ZEB2: variants seen among roughly 807,000 people sequenced by gnomAD.
ZEB2 encodes the protein zinc finger E-box-binding homeobox 2.
Under a neutral mutation model 99.9 loss-of-function variants are expected in ZEB2, and 6 were observed. The ratio of observed to expected loss-of-function variants is 0.06; its 90% CI spans 0.03 to 0.12. The LOEUF (loss-of-function observed/expected upper bound fraction) is 0.12. Ranked by LOEUF, ZEB2 falls within the 10% of genes least tolerant of loss-of-function variation. ZEB2 has a pLI of 1.00. For missense variants in ZEB2, 969 were observed against 1,502.8 expected (o/e 0.64, Z 5.87); for synonymous variants, 517 against 542.5 (o/e 0.95, Z 0.65).
At chr2:144,433,333 G>T (rs1344907383) in intron 2 of ZEB2, among the ~76,000 whole-genome samples, 1 of 152,076 alleles carries the variant, frequency 6.6e-6, no homozygotes, top group Non-Finnish European at 1.5e-5. Flanking sequence ...CAGTTGCATT[G>T]GCAAAATGCA....
intron 2 of ZEB2, among the ~76,000 whole-genome samples, chr2:144,464,815 T>C (rs148975778): frequency 1.3e-5 from 2 of 152,322 alleles, no homozygotes; most frequent in Admixed American, 6.5e-5. Context: ...CCCTTTTACA[T>C]ACATTCCAGA....
chr2:144,411,228 G>C (rs1703461001), intron 4 of ZEB2, among the ~76,000 whole-genome samples: 1 of 150,976 alleles, frequency 6.6e-6, no homozygotes, highest in African/African-American at 2.4e-5. Flanking sequence ...ACTTCACTAT[G>C]AAAGGCAAAG....
intron 2 of ZEB2, among the ~76,000 whole-genome samples, chr2:144,432,016 AC>A (rs1560621925): frequency 2.0e-5 from 3 of 150,808 alleles, no homozygotes; most frequent in East Asian, 2.0e-4. Flanking sequence ...AAAAAAAAAA[AC>A]CCATGCCTTT....
Position 144,512,790 on chromosome 2 carries a change from G to C in ZEB2, c.73+4488C>G, listed in dbSNP as rs144655107. 583 of 1,287,138 alleles carry C rather than the reference G, an allele frequency of 4.5e-4. 2 individuals carry two copies. In the African/African-American group the frequency reaches 7.9e-3, roughly 17 times the overall value. 79.7% of individuals were successfully genotyped at this position (1,287,138 alleles called of 1,614,324 possible). On this transcript the variant is annotated intron_variant, in intron 2 of 9. Transcript: ENST00000627532. ...GATCAGCCTAGATACATAGCCCCCA[G>C]CCTTGTGTGTGTGCAGCGTGACAAA...
chr2:144,512,745 A>G, intron 2 of ZEB2: 1 of 1,287,230 alleles, frequency 7.8e-7, no homozygotes, highest in South Asian at 1.2e-5. Context: ...TAGTTTTTCC[A>G]GACCAAAATA....
intron 2 of ZEB2, chr2:144,513,970 G>A: frequency 7.7e-7 from 1 of 1,300,310 alleles, no homozygotes; most frequent in Non-Finnish European, 1.0e-6. Context: ...CTCGCTTTTT[G>A]CCTCCTTCCC....
intron 2 of ZEB2, among the ~76,000 whole-genome samples, chr2:144,507,064 T>G (rs1473030956): frequency 6.6e-6 from 1 of 152,206 alleles, no homozygotes; most frequent in Non-Finnish European, 1.5e-5. Context: ...TACCTTCATA[T>G]ATTTGTGATA....
intron 2 of ZEB2, among the ~76,000 whole-genome samples, chr2:144,476,031 G>A (rs572560557): frequency 3.5e-4 from 54 of 152,274 alleles, no homozygotes; most frequent in African/African-American, 1.3e-3. Context: ...AACAGCCAGT[G>A]CAAACTGTTT....
At chr2:144,435,623 G>GT (rs1244492531) in intron 2 of ZEB2, among the ~76,000 whole-genome samples, 1 of 151,068 alleles carries the variant, frequency 6.6e-6, no homozygotes, top group Admixed American at 6.6e-5. Context: ...AAAAAGAAGT[G>GT]TTTTGGAATT....
At chr2:144,493,441 C>T (rs1318036252) in intron 2 of ZEB2, among the ~76,000 whole-genome samples, 7 of 152,180 alleles carry the variant, frequency 4.6e-5, no homozygotes, top group Non-Finnish European at 4.4e-5. Context: ...GAAACGCACC[C>T]AGGGGCACAT....
intron 1 of ZEB2, chr2:144,517,727 G>C: frequency 1.4e-6 from 1 of 702,712 alleles, no homozygotes; most frequent in African/African-American, 1.7e-5. Flanking sequence ...AAGACCGCTT[G>C]ACTCAGGGCT....
chr2:144,430,462 G>GT (rs200970716), intron 2 of ZEB2: 3,153 of 206,536 alleles, frequency 0.015, 98 homozygotes, highest in African/African-American at 0.071. Context: ...ATTAACTGTG[G>GT]TTTTTTCCCT....
intron 2 of ZEB2, chr2:144,497,602 T>C (rs1242400279): frequency 6.1e-6 from 1 of 164,862 alleles, no homozygotes; most frequent in Non-Finnish European, 1.5e-5. Context: ...TTTTCTTTCA[T>C]GAATCTGATA....
chr2:144,502,688 C>A (rs187295674), intron 2 of ZEB2, among the ~76,000 whole-genome samples: 13 of 152,270 alleles, frequency 8.5e-5, no homozygotes, highest in African/African-American at 2.9e-4. Context: ...ACACATTCAA[C>A]GGGACGCTGG....
At chr2:144,438,207 T>C (rs1703862208) in intron 2 of ZEB2, among the ~76,000 whole-genome samples, 1 of 152,222 alleles carries the variant, frequency 6.6e-6, no homozygotes, top group Non-Finnish European at 1.5e-5. Flanking sequence ...CCAACAGACC[T>C]ATTTGGTGAC....
chr2:144,443,478 A>G (rs1400046182), intron 2 of ZEB2, among the ~76,000 whole-genome samples: 2 of 152,212 alleles, frequency 1.3e-5, no homozygotes, highest in Non-Finnish European at 2.9e-5. Context: ...TACTTCCTGT[A>G]AGATTAATTA....
rs1370092753 is a variant in ZEB2, at chr2:144,449,860, T to C, written c.74-19834A>G. The C allele has an allele frequency of 7.2e-5, 11 of 152,294 alleles. No homozygotes were observed. In the East Asian group the frequency reaches 2.1e-3, roughly 29 times the overall value. The allele number at this position is 152,294 out of a possible 1,614,324, so 9.4% of individuals were successfully genotyped here. On this transcript the variant is annotated intron_variant, in intron 2 of 9. Coordinates refer to ENST00000627532, the MANE Select transcript of ZEB2 (RefSeq NM_014795.4). ...CCTGCAGCCCTTAAGATGTCCAGCT[T>C]AGTACAGTATAGGACTCACACAACT...
intron 4 of ZEB2, among the ~76,000 whole-genome samples, chr2:144,411,095 A>ATG (rs1375537336): frequency 3.8e-5 from 4 of 105,594 alleles, no homozygotes; most frequent in African/African-American, 9.5e-5. Flanking sequence ...ATATATATAT[A>ATG]TATATGTATA....
chr2:144,497,324 G>A (rs1421152605), intron 2 of ZEB2, among the ~76,000 whole-genome samples: 1 of 152,102 alleles, frequency 6.6e-6, no homozygotes, highest in African/African-American at 2.4e-5. Flanking sequence ...TAGACAGCAA[G>A]CTCCTCAGGG....
Sources: gnomAD v4.1 joint callset for allele counts (sites outside exome capture counted in the v4.1 genomes callset) on GRCh38, gnomAD v4.1.1 for gene constraint, MANE v1.5 for transcripts, NCBI Gene and HGNC (gene_info 2026-07-23, HGNC 2026-07-21) for gene names.